The following DYNC2H1 variants were observed in gnomAD, a reference collection of about 807,000 sequenced individuals.
DYNC2H1 encodes the protein cytoplasmic dynein 2 heavy chain 1.
In DYNC2H1, 410 loss-of-function variants were observed where a neutral mutation model predicts 570.0. The ratio of observed to expected loss-of-function variants is 0.72; its 90% CI spans 0.66 to 0.78. The LOEUF is 0.78. Ranked by LOEUF, DYNC2H1 falls within the 30% of genes least tolerant of loss-of-function variation. DYNC2H1 has a pLI of 0.00. For synonymous variants in DYNC2H1, 1,688 were observed against 1,677.6 expected (o/e 1.01, Z -0.15); for missense variants, 4,865 against 5,046.4 (o/e 0.96, Z 1.09).
In DYNC2H1 at chr11:103,268,869, G is replaced by A. The variant is rs115881717; in HGVS notation, c.10695+8892G>A. Among the ~76,000 whole-genome samples the A allele has an allele frequency of 0.016, 2,361 of 151,908 alleles. 64 individuals carry two copies. The highest frequency in any genetic ancestry group is 0.052 in the African/African-American group (2,147 of 41,444). On this transcript the variant is annotated intron_variant, in intron 70 of 88. Transcript: ENST00000375735. This position sits in a 1 kb window ranked among gnomAD's most constrained non-coding sequence, Gnocchi z 4.6. Reference sequence around the variant, plus strand: ...TCAGTTTATATATTCTCATTTTATCGTTAGTAATACAGTATATTCACTGAT... The same window carrying A: ...TCAGTTTATATATTCTCATTTTATCATTAGTAATACAGTATATTCACTGAT...
chr11:103,246,609 TCTTA>T (rs1864628023), intron 65 of DYNC2H1, among the ~76,000 whole-genome samples: 1 of 152,056 alleles, frequency 6.6e-6, no homozygotes, highest in African/African-American at 2.4e-5. Context: ...ATTGCCCCTA[TCTTA>T]CTTTTTCCAT....
At chr11:103,257,988 A>G (rs192428310) in intron 69 of DYNC2H1, among the ~76,000 whole-genome samples, 66 of 152,312 alleles carry the variant, frequency 4.3e-4, no homozygotes, top group South Asian at 2.1e-3. Flanking sequence ...CTGAGTATAA[A>G]TTAATAAGTA....
chr11:103,380,951 G>A (rs994041209), intron 83 of DYNC2H1, among the ~76,000 whole-genome samples: 1 of 152,194 alleles, frequency 6.6e-6, no homozygotes, highest in Non-Finnish European at 1.5e-5. Context: ...AACTGTTGCC[G>A]ATAGAACTAG....
chr11:103,462,731 T>C (rs532705119), intron 87 of DYNC2H1, among the ~76,000 whole-genome samples: 2 of 152,374 alleles, frequency 1.3e-5, no homozygotes. Flanking sequence ...ATTTTCTCTT[T>C]AAGTATCATT....
At chr11:103,235,607 G>C in intron 61 of DYNC2H1, 65 bp from the exon 62 acceptor site, 3 of 1,435,624 alleles carry the variant, frequency 2.1e-6, no homozygotes, top group Non-Finnish European at 2.8e-6. Flanking sequence ...CCATAAAACT[G>C]TCATTTTCTT....
Position 103,395,478 on chromosome 11 carries a change from T to C in DYNC2H1, c.12157-4185T>C, listed in dbSNP as rs1349261762. Among the ~76,000 whole-genome samples the C allele has an allele frequency of 8.3e-6, 1 of 120,850 alleles. No individual in the cohort carries two copies. The highest frequency in any genetic ancestry group is 1.8e-5 in the Non-Finnish European group (1 of 55,834). The allele number at this position is 120,850 out of a possible 152,430, so 79.3% of individuals were successfully genotyped here. A position where few individuals can be genotyped will look rare whatever the true frequency, so the allele number is the denominator to read the frequency against. On this transcript the variant is annotated intron_variant, in intron 83 of 88. Transcript: ENST00000375735. This position sits in a 1 kb window ranked among gnomAD's most constrained non-coding sequence, Gnocchi z 4.3. ...CTGATATACATATATATCATATATATATTTATGTATATGTACACACACACA... is the reference window on the plus strand; with the variant it reads ...CTGATATACATATATATCATATATACATTTATGTATATGTACACACACACA...
chr11:103,431,499 T>C (rs762385228), intron 84 of DYNC2H1, among the ~76,000 whole-genome samples: 25 of 152,156 alleles, frequency 1.6e-4, no homozygotes, highest in Non-Finnish European at 2.5e-4. Context: ...ACATTTTCTC[T>C]TCTGTAAAAT....
chr11:103,458,809 C>T (rs1056717254), intron 87 of DYNC2H1, among the ~76,000 whole-genome samples: 3 of 152,028 alleles, frequency 2.0e-5, no homozygotes, highest in African/African-American at 7.2e-5. Context: ...CACTATCATT[C>T]CTTGCCATTC....
chr11:103,117,258 T>G (rs1242890921), intron 5 of DYNC2H1, among the ~76,000 whole-genome samples: 1 of 146,920 alleles, frequency 6.8e-6, no homozygotes, highest in African/African-American at 2.5e-5. Flanking sequence ...TATATATATT[T>G]TATATATATA....
At chr11:103,282,453 T>C (rs1337649399) in intron 72 of DYNC2H1, among the ~76,000 whole-genome samples, 1 of 151,992 alleles carries the variant, frequency 6.6e-6, no homozygotes, top group African/African-American at 2.4e-5. Context: ...ACTAATGAAT[T>C]AATGCAGTTT....
chr11:103,278,104 C>A (rs1033578256), intron 70 of DYNC2H1, among the ~76,000 whole-genome samples: 2 of 151,956 alleles, frequency 1.3e-5, no homozygotes, highest in African/African-American at 4.8e-5. Flanking sequence ...TGCTTGAGGA[C>A]CTTTTATCCA....
chr11:103,248,976 G>T (rs1864728491), intron 65 of DYNC2H1, among the ~76,000 whole-genome samples: 1 of 152,042 alleles, frequency 6.6e-6, no homozygotes, highest in Non-Finnish European at 1.5e-5. Context: ...AAAGGACCCA[G>T]AGACCAACTC....
chr11:103,193,551 T>C (rs1015161516), intron 47 of DYNC2H1, among the ~76,000 whole-genome samples: 1 of 152,182 alleles, frequency 6.6e-6, no homozygotes, highest in Non-Finnish European at 1.5e-5. Context: ...TTTTTCTTTT[T>C]TTTTTATTTT....
At chr11:103,259,633 T>C (rs1865190425) in intron 69 of DYNC2H1, among the ~76,000 whole-genome samples, 1 of 152,160 alleles carries the variant, frequency 6.6e-6, no homozygotes, top group Non-Finnish European at 1.5e-5. Flanking sequence ...GATATAAAAT[T>C]CAACTTATAT....
intron 70 of DYNC2H1, among the ~76,000 whole-genome samples, chr11:103,265,636 A>G (rs1449876156): frequency 6.6e-6 from 1 of 152,118 alleles, no homozygotes; most frequent in Non-Finnish European, 1.5e-5. Flanking sequence ...GAATTCTATT[A>G]TCTTCTTTAT....
intron 73 of DYNC2H1, 115 bp downstream of exon 73, chr11:103,283,200 GT>G: frequency 1.5e-6 from 1 of 685,852 alleles, no homozygotes; most frequent in Non-Finnish European, 2.3e-6. Context: ...TAGGATGTAA[GT>G]TCCCCCAGTA....
In DYNC2H1 at chr11:103,114,096, T is replaced by TA; in HGVS notation, c.367-6dup. On this transcript the variant is annotated splice_region_variant and splice_polypyrimidine_tract_variant and intron_variant, in intron 2 of 88. Transcript: ENST00000375735. Reference sequence around the variant, plus strand: ...AATCTTGGTTGCTCTTGTCTGTTTTTATTTAGGATCAGGAATGGAGCAGAA... The same window carrying TA: ...AATCTTGGTTGCTCTTGTCTGTTTTTAATTTAGGATCAGGAATGGAGCAGAA... The TA allele has an allele frequency of 6.2e-7, 1 of 1,608,600 alleles. No individual in the cohort carries two copies. Among genetic ancestry groups the TA allele is most frequent in the South Asian group, 1.1e-5 (1 of 89,872 alleles).
intron 75 of DYNC2H1, among the ~76,000 whole-genome samples, chr11:103,295,250 T>C (rs1235097346): frequency 6.6e-6 from 1 of 152,198 alleles, no homozygotes; most frequent in Non-Finnish European, 1.5e-5. Flanking sequence ...CCCGGGCTGC[T>C]GTATATGCTC....
chr11:103,188,918 G>T (rs928077278), intron 44 of DYNC2H1, among the ~76,000 whole-genome samples: 1 of 151,948 alleles, frequency 6.6e-6, no homozygotes, highest in African/African-American at 2.4e-5. Flanking sequence ...TCAATCTCAG[G>T]AGTCTGAATG....
Sources: gnomAD v4.1 joint callset for allele counts (sites outside exome capture counted in the v4.1 genomes callset) on GRCh38, gnomAD v4.1.1 for gene constraint, Gnocchi (gnomAD v3.1) non-coding constraint, MANE v1.5 for transcripts, NCBI Gene and HGNC (gene_info 2026-07-23, HGNC 2026-07-21) for gene names.